Variants in ZNF536 observed in about 807,000 individuals in gnomAD.
ZNF536 encodes zinc finger protein 536.
A neutral mutation model predicts 84.5 loss-of-function variants in ZNF536; 13 were observed. The observed-to-expected ratio is 0.15, with a 90% CI of 0.10 to 0.24. The LOEUF (loss-of-function observed/expected upper bound fraction) is 0.24. ZNF536 is among the 10% of genes least tolerant of loss of function. The pLI is 1.00. For synonymous variants in ZNF536, 811 were observed against 742.5 expected, an observed-to-expected ratio of 1.09 and a Z score of -1.50; for missense variants, 1,536 against 1,747.5, an observed-to-expected ratio of 0.88 and a Z score of 2.16.
intron 1 of ZNF536, among the ~76,000 whole-genome samples, chr19:30,617,756 C>T (rs1185856923): frequency 2.0e-5 from 3 of 152,036 alleles, no homozygotes; most frequent in African/African-American, 7.2e-5. Context: ...CTTTCATTTC[C>T]ACTTTATCCT....
intron 1 of ZNF536, among the ~76,000 whole-genome samples, chr19:30,619,586 G>C (rs2147125956): frequency 6.6e-6 from 1 of 152,244 alleles, no homozygotes; most frequent in East Asian, 1.9e-4. Context: ...ATCCTGCAGG[G>C]GCCACAAAGG....
At chr19:30,477,117 C>G (rs575573658) in intron 2 of ZNF536, among the ~76,000 whole-genome samples, 1 of 152,284 alleles carries the variant, frequency 6.6e-6, no homozygotes, top group Non-Finnish European at 1.5e-5. Context: ...GTCCACTTGT[C>G]TTTACTTTTC....
intron 2 of ZNF536, among the ~76,000 whole-genome samples, chr19:30,344,237 G>A (rs1007315928): frequency 1.7e-5 from 2 of 120,092 alleles, no homozygotes; most frequent in African/African-American, 6.9e-5. Context: ...TCAGGAGTTC[G>A]CGACCAGCCT....
chr19:30,331,223 G>C (rs2047198754), intron 2 of ZNF536, among the ~76,000 whole-genome samples: 1 of 137,274 alleles, frequency 7.3e-6, no homozygotes, highest in Non-Finnish European at 1.5e-5. Flanking sequence ...GTTTGAGACT[G>C]CAGTGAGCTA....
At chr19:30,328,974 AT>A (rs1242086899) in intron 2 of ZNF536, among the ~76,000 whole-genome samples, 1 of 152,168 alleles carries the variant, frequency 6.6e-6, no homozygotes, top group Non-Finnish European at 1.5e-5. Context: ...AGAGTGAGAG[AT>A]GGGAATTAGC....
In ZNF536 at chr19:30,544,558, C is replaced by T. The variant is rs890786892; in HGVS notation, c.2324-3385C>T. On this transcript the variant is annotated intron_variant, in intron 3 of 4. Transcript: ENST00000355537. ...GTGTGTGAGTGTGAGAGTGCGTGTG[C>T]GTGAACTCTGCTAGCCTGCTATATG... 5.3e-5 allele frequency among the ~76,000 whole-genome samples: 8 copies of T among 152,080 alleles called. No homozygotes were observed. In the East Asian group the frequency reaches 9.6e-4, roughly 18 times the overall value.
chr19:30,440,336 G>A (rs191925140), intron 1 of ZNF536, among the ~76,000 whole-genome samples: 30 of 152,218 alleles, frequency 2.0e-4, no homozygotes, highest in Admixed American at 9.8e-4. Context: ...AACTCTGTCC[G>A]ATTCGGATCG....
At chr19:30,262,540 C>T (rs1368994508) in intron 1 of ZNF536, among the ~76,000 whole-genome samples, 1 of 152,216 alleles carries the variant, frequency 6.6e-6, no homozygotes, top group Admixed American at 6.5e-5. Flanking sequence ...GTCAGTTATG[C>T]CACTGCCTCT....
intron 2 of ZNF536, among the ~76,000 whole-genome samples, chr19:30,288,614 G>A (rs1362569628): frequency 6.6e-6 from 1 of 152,182 alleles, no homozygotes; most frequent in East Asian, 1.9e-4. Flanking sequence ...CAAAGGTATA[G>A]GCTTTGGAAG....
At chr19:30,613,413 A>C (rs1181901700) in intron 1 of ZNF536, among the ~76,000 whole-genome samples, 1 of 152,148 alleles carries the variant, frequency 6.6e-6, no homozygotes, top group African/African-American at 2.4e-5. Context: ...ACATGTCTTA[A>C]ATTCAAATTC....
chr19:30,347,052 G>A (rs1027237968), intron 2 of ZNF536, among the ~76,000 whole-genome samples: 2 of 150,432 alleles, frequency 1.3e-5, no homozygotes, highest in Admixed American at 1.3e-4. Flanking sequence ...GTGTGAGATG[G>A]TATTTCACTG....
In ZNF536 at chr19:30,608,867, G is replaced by A. The variant is rs545419332; in HGVS notation, c.169+59353G>A. Among the ~76,000 whole-genome samples, 164 of 152,316 alleles carry A rather than the reference G, an allele frequency of 1.1e-3. 1 individual carries two copies. Among genetic ancestry groups the A allele is most frequent in the Non-Finnish European group, 1.3e-3 (87 of 68,026 alleles). On this transcript the variant is annotated intron_variant, in intron 1 of 1. Transcript: ENST00000592773. Reference sequence around the variant, plus strand: ...GCCTAAGGAGTGGGCATGGGAATCAGAATGTTGCCTTGGAGCTTGGACCAG... The same window carrying A: ...GCCTAAGGAGTGGGCATGGGAATCAAAATGTTGCCTTGGAGCTTGGACCAG...
chr19:30,665,648 T>C (rs2050287732), intron 1 of ZNF536: 1 of 152,182 alleles, frequency 6.6e-6, no homozygotes, highest in Non-Finnish European at 1.5e-5. Context: ...CTGGGTAAAT[T>C]CTGTTTCGAA....
intron 2 of ZNF536, among the ~76,000 whole-genome samples, chr19:30,306,809 A>T (rs1324874069): frequency 6.6e-6 from 1 of 152,204 alleles, no homozygotes; most frequent in African/African-American, 2.4e-5. Flanking sequence ...TGAAATATGA[A>T]TGTGCTTTTT....
chr19:30,704,924 C>CTTT (rs60002455), intron 1 of ZNF536, among the ~76,000 whole-genome samples: 9 of 141,968 alleles, frequency 6.3e-5, no homozygotes, highest in Admixed American at 7.1e-5. Context: ...GAGCTCAGCA[C>CTTT]TTTTTTTTTT....
intron 2 of ZNF536, among the ~76,000 whole-genome samples, chr19:30,526,802 T>C (rs1230620270): frequency 6.6e-6 from 1 of 152,154 alleles, no homozygotes; most frequent in Non-Finnish European, 1.5e-5. Context: ...GTTCTTGATC[T>C]TGAAGCCCTG....
At chr19:30,342,830 G>A (rs1227545213) in intron 2 of ZNF536, among the ~76,000 whole-genome samples, 1 of 152,220 alleles carries the variant, frequency 6.6e-6, no homozygotes, top group East Asian at 1.9e-4. Context: ...GCCAAGCACA[G>A]CAATTGAAAG....
chr19:30,498,445 G>A lies in ZNF536; in HGVS notation c.2171-36402G>A, dbSNP rs151071934. Among the ~76,000 whole-genome samples, 50 of 152,188 alleles carry A rather than the reference G, an allele frequency of 3.3e-4. No individual in the cohort carries two copies. In the East Asian group the frequency reaches 8.9e-3, roughly 27 times the overall value. ...ACACACTGGGGCCTGTCAGGGAGTG[G>A]GGTGGGGGGACGGAGAGCATTAGGA... On this transcript the variant is annotated intron_variant, in intron 2 of 4. Transcript: ENST00000355537.
intron 1 of ZNF536, among the ~76,000 whole-genome samples, chr19:30,688,207 C>T (rs2051273941): frequency 6.6e-6 from 1 of 152,158 alleles, no homozygotes. Flanking sequence ...AATCAACATC[C>T]ACATTTGTTC....
Sources: gnomAD v4.1 joint callset for allele counts (sites outside exome capture counted in the v4.1 genomes callset) on GRCh38, gnomAD v4.1.1 for gene constraint, MANE v1.5 for transcripts, NCBI Gene and HGNC (gene_info 2026-07-23, HGNC 2026-07-21) for gene names.